Variants in AGAP1 observed in about 807,000 individuals in gnomAD.
The protein encoded by AGAP1 is ArfGAP with GTPase domain, ankyrin repeat and PH domain 1, also known as arf-GAP with GTPase, ANK repeat and PH domain-containing protein 1.
In AGAP1, 29 loss-of-function variants were observed where a neutral mutation model predicts 105.3. The observed-to-expected ratio is 0.28, with a 90% CI of 0.21 to 0.38. AGAP1 has a LOEUF of 0.38. AGAP1 is among the 10% of genes least tolerant of loss of function. The pLI is 1.00. For missense variants in AGAP1, 998 were observed against 1,165.1 expected (o/e 0.86, Z 2.09); for synonymous variants, 509 against 485.9 (o/e 1.05, Z -0.63).
rs752179989 is a variant in AGAP1, at chr2:236,040,784, C to T, written c.1834C>T (p.Leu612=). ...GACGAGCCAGAGCGAGGCCATGGCC[C>T]TGCAGTCGATCCGGAACATGCGCGG... ...RLTSQSEAMA[L]QSIRNMRGNS... is the part of the protein sequence containing the mutation. Residue 612 remains leucine (L), a synonymous_variant, in exon 15 of 18, where the codon CTG becomes TTG. Coordinates refer to ENST00000304032, the MANE Select transcript of AGAP1 (RefSeq NM_001037131.3). The surrounding 1 kb of genome is among the most constrained non-coding windows in gnomAD (Gnocchi z 5.6). 3 of 1,613,728 alleles carry T rather than the reference C, an allele frequency of 1.9e-6. No homozygotes were observed. The highest frequency in any genetic ancestry group is 2.5e-6 in the Non-Finnish European group (3 of 1,180,038).
rs1363625767 is a variant in AGAP1, at chr2:235,877,759, A to G, written c.1051-5586A>G. The stretch of plus-strand genomic sequence containing the variant: ...ATGACAGGTTTCCCTTGCATCTCAA[A>G]TTTGCTCAGACCGTCTGGGGATCTT... On this transcript the variant is annotated intron_variant, in intron 9 of 17. Coordinates refer to ENST00000304032, the MANE Select transcript of AGAP1 (RefSeq NM_001037131.3). This position sits in a 1 kb window ranked among gnomAD's most constrained non-coding sequence, Gnocchi z 4.3. 2.6e-5 allele frequency among the ~76,000 whole-genome samples: 4 copies of G among 152,134 alleles called. No homozygotes were observed. Among genetic ancestry groups the G allele is most frequent in the African/African-American group, 9.6e-5 (4 of 41,456 alleles).
chr2:235,694,925 T>A (rs187906494), intron 1 of AGAP1, among the ~76,000 whole-genome samples: 1 of 151,900 alleles, frequency 6.6e-6, no homozygotes, highest in African/African-American at 2.4e-5. Flanking sequence ...TCACCTGGTT[T>A]AACCCAAAGG....
At chr2:235,952,846 G>C (rs1270655701) in intron 12 of AGAP1, among the ~76,000 whole-genome samples, 1 of 151,860 alleles carries the variant, frequency 6.6e-6, no homozygotes, top group African/African-American at 2.4e-5. Flanking sequence ...AGGGCCTTCT[G>C]TTCAGGGTCA....
intron 16 of AGAP1, among the ~76,000 whole-genome samples, chr2:236,074,431 T>C (rs2058584565): frequency 6.6e-6 from 1 of 152,210 alleles, no homozygotes; most frequent in Admixed American, 6.5e-5. Flanking sequence ...GGGAAGTTAA[T>C]GAGCAGTTTT....
chr2:235,735,215 T>C (rs1303877378), intron 3 of AGAP1, among the ~76,000 whole-genome samples: 1 of 152,232 alleles, frequency 6.6e-6, no homozygotes. Flanking sequence ...GGACTGTTAA[T>C]GATACGTTGA....
rs1173718854 is a variant in AGAP1, at chr2:235,865,586, G to T, written c.1051-17759G>T. 6.6e-6 allele frequency among the ~76,000 whole-genome samples: 1 copy of T among 152,090 alleles called. No individual in the cohort carries two copies. Among genetic ancestry groups the T allele is most frequent in the Non-Finnish European group, 1.5e-5 (1 of 68,014 alleles). On this transcript the variant is annotated intron_variant, in intron 9 of 17. Coordinates refer to ENST00000304032, the MANE Select transcript of AGAP1 (RefSeq NM_001037131.3). The surrounding 1 kb of genome is among the most constrained non-coding windows in gnomAD (Gnocchi z 6.2). ...TCCAGAATCGGCCCCTCGCCCCTTT[G>T]CCCCTCCCCCAACTCCCTCCACTGT...
At chr2:235,532,664 A>G (rs1943083432) in intron 1 of AGAP1, among the ~76,000 whole-genome samples, 1 of 152,216 alleles carries the variant, frequency 6.6e-6, no homozygotes, top group East Asian at 1.9e-4. Context: ...AGATGGACTC[A>G]TCTCAAACTA....
Position 235,733,202 on chromosome 2 carries a change from C to G in AGAP1, c.311-7761C>G, listed in dbSNP as rs1220561885. On this transcript the variant is annotated intron_variant, in intron 3 of 17. Coordinates refer to ENST00000304032, the MANE Select transcript of AGAP1 (RefSeq NM_001037131.3). The surrounding 1 kb of genome is among the most constrained non-coding windows in gnomAD (Gnocchi z 5.0). ...AGGTGCCCCCCTGCGTGGGTCACTT[C>G]TCCCGCTCACCAGGCAACACGGGCA... Among the ~76,000 whole-genome samples the G allele has an allele frequency of 6.6e-6, 1 of 152,202 alleles. No individual in the cohort carries two copies. The highest frequency in any genetic ancestry group is 1.5e-5 in the Non-Finnish European group (1 of 68,036).
At position 235,609,463 on chromosome 2, in the gene AGAP1, G is replaced by A. The variant is rs1180789761; in HGVS notation, c.164-99716G>A. ...TCGAGATTCCAAGAGGTAAGAACTG[G>A]GGGCTGGGCTGTGGAAGAAGTGCGA... On this transcript the variant is annotated intron_variant, in intron 1 of 17. Coordinates refer to ENST00000304032, the MANE Select transcript of AGAP1 (RefSeq NM_001037131.3). This position sits in a 1 kb window ranked among gnomAD's most constrained non-coding sequence, Gnocchi z 5.1. Among the ~76,000 whole-genome samples, 2 of 152,142 alleles carry A rather than the reference G, an allele frequency of 1.3e-5. No homozygotes were observed. Among genetic ancestry groups the A allele is most frequent in the African/African-American group, 2.4e-5 (1 of 41,422 alleles).
rs777751733 is a variant in AGAP1, at chr2:235,625,332, G to A, written c.164-83847G>A. Among the ~76,000 whole-genome samples the A allele has an allele frequency of 1.3e-5, 2 of 152,204 alleles. No homozygotes were observed. The highest frequency in any genetic ancestry group is 2.4e-5 in the African/African-American group (1 of 41,446). ...TTGAGTATAAGGTGACCTGGAGGAG[G>A]TGTGAAGACCTGCGCATGTGGACAG... On this transcript the variant is annotated intron_variant, in intron 1 of 17. Transcript: ENST00000304032. The surrounding 1 kb of genome is among the most constrained non-coding windows in gnomAD (Gnocchi z 4.0).
chr2:235,804,874 G>A (rs777961955), intron 8 of AGAP1, among the ~76,000 whole-genome samples: 3 of 152,172 alleles, frequency 2.0e-5, no homozygotes, highest in Admixed American at 6.5e-5. Context: ...CAGACGCCGT[G>A]GGTGCTGAGG....
Position 235,936,692 on chromosome 2 carries a change from G to T in AGAP1, c.1483+5769G>T, listed in dbSNP as rs372883325. ...CAGGCGGCGGTAATGTGATACTGCCGGTCTCTGACCTGGAAGCTTCTTTGA... is the reference window on the plus strand; with the variant it reads ...CAGGCGGCGGTAATGTGATACTGCCTGTCTCTGACCTGGAAGCTTCTTTGA... On this transcript the variant is annotated intron_variant, in intron 12 of 17. Coordinates refer to ENST00000304032, the MANE Select transcript of AGAP1 (RefSeq NM_001037131.3). The surrounding 1 kb of genome is among the most constrained non-coding windows in gnomAD (Gnocchi z 4.7). Among the ~76,000 whole-genome samples, 1 of 152,026 alleles carries T rather than the reference G, an allele frequency of 6.6e-6. No individual in the cohort carries two copies. The highest frequency in any genetic ancestry group is 1.9e-4 in the East Asian group (1 of 5,174).
At chr2:236,049,521 TA>T in intron 16 of AGAP1, 1 of 452,242 alleles carries the variant, frequency 2.2e-6, no homozygotes, top group Non-Finnish European at 4.0e-6. Context: ...TCCCCCCTCT[TA>T]GAAATGTATT....
chr2:235,696,800 A>C (rs748565319), intron 1 of AGAP1, among the ~76,000 whole-genome samples: 7 of 152,038 alleles, frequency 4.6e-5, no homozygotes, highest in Non-Finnish European at 8.8e-5. Flanking sequence ...CCCAGCCAAC[A>C]CAGTGAAACC....
chr2:235,943,459 C>T (rs1314068617), intron 12 of AGAP1, among the ~76,000 whole-genome samples: 32 of 146,662 alleles, frequency 2.2e-4, no homozygotes, highest in Non-Finnish European at 4.4e-5. Context: ...AAGTAATTCT[C>T]CTGCCTCAGC....
chr2:235,545,620 GT>G (rs1434967358), intron 1 of AGAP1, among the ~76,000 whole-genome samples: 2 of 152,216 alleles, frequency 1.3e-5, no homozygotes. Context: ...CCTTAGTGGA[GT>G]TCCTTCCTGG....
Position 235,733,058 on chromosome 2 carries a change from AAG to A in AGAP1, c.311-7902_311-7901del, listed in dbSNP as rs750448281. Reference sequence around the variant, plus strand: ...GTTGGAGGGAGCTGCCTCCCGTTGAAAGAGTCTGCCCTTCTTTAGGGACCAGG... The same window carrying A: ...GTTGGAGGGAGCTGCCTCCCGTTGAAAGTCTGCCCTTCTTTAGGGACCAGG... On this transcript the variant is annotated intron_variant, in intron 3 of 17. Transcript: ENST00000304032. This position sits in a 1 kb window ranked among gnomAD's most constrained non-coding sequence, Gnocchi z 5.0. Among the ~76,000 whole-genome samples, 1 of 152,152 alleles carries A rather than the reference AAG, an allele frequency of 6.6e-6. No homozygotes were observed. Among genetic ancestry groups the A allele is most frequent in the Admixed American group, 6.5e-5 (1 of 15,288 alleles).
In AGAP1 at chr2:235,845,370, G is replaced by A. The variant is rs1339312194; in HGVS notation, c.1051-37975G>A. ...AAATCCAACACCATGCTGGCTTCTG[G>A]GAGTGCAGATTTTGCAGACATGGAA... is the stretch of plus-strand genomic sequence containing the variant. On this transcript the variant is annotated intron_variant, in intron 9 of 17. Transcript: ENST00000304032. The surrounding 1 kb of genome is among the most constrained non-coding windows in gnomAD (Gnocchi z 4.8). 2.0e-5 allele frequency among the ~76,000 whole-genome samples: 3 copies of A among 152,014 alleles called. No individual in the cohort carries two copies. The highest frequency in any genetic ancestry group is 4.4e-5 in the Non-Finnish European group (3 of 67,992).
In AGAP1 at chr2:235,622,528, G is replaced by C. The variant is rs1246241849; in HGVS notation, c.164-86651G>C. Reference sequence around the variant, plus strand: ...GGGGAGGACAGTGTTGGCTGCTGCTGTGCTTCCTTTAACTGAACCCCGGTG... The same window carrying C: ...GGGGAGGACAGTGTTGGCTGCTGCTCTGCTTCCTTTAACTGAACCCCGGTG... On this transcript the variant is annotated intron_variant, in intron 1 of 17. Transcript: ENST00000304032. This position sits in a 1 kb window ranked among gnomAD's most constrained non-coding sequence, Gnocchi z 5.0. Among the ~76,000 whole-genome samples, 1 of 152,144 alleles carries C rather than the reference G, an allele frequency of 6.6e-6. No homozygotes were observed. The highest frequency in any genetic ancestry group is 1.5e-5 in the Non-Finnish European group (1 of 68,026).
Sources: allele counts gnomAD v4.1 joint callset (sites outside exome capture counted in the v4.1 genomes callset), GRCh38; gene constraint gnomAD v4.1.1; non-coding constraint Gnocchi (gnomAD v3.1); transcripts MANE v1.5; gene names NCBI Gene and HGNC (gene_info 2026-07-23, HGNC 2026-07-21).